PIP5K1B: variants seen among roughly 807,000 people sequenced by gnomAD.
PIP5K1B encodes the protein phosphatidylinositol-4-phosphate 5-kinase type 1 beta, also known as phosphatidylinositol 4-phosphate 5-kinase type-1 beta.
Under a neutral mutation model 67.0 loss-of-function variants are expected in PIP5K1B, and 42 were observed. That is an observed-to-expected ratio of 0.63 (90% CI 0.49 to 0.81). The LOEUF is 0.81. PIP5K1B is among the 30% of genes least tolerant of loss of function. The probability of loss-of-function intolerance (pLI) is 0.00; values close to 1 mark genes in which losing one functional copy is unlikely to be tolerated. For synonymous variants in PIP5K1B, 214 were observed against 231.4 expected, an observed-to-expected ratio of 0.92 and a Z score of 0.68; for missense variants, 459 against 646.3, an observed-to-expected ratio of 0.71 and a Z score of 3.14.
intron 2 of PIP5K1B, among the ~76,000 whole-genome samples, chr9:68,771,190 T>G (rs1002565508): frequency 6.6e-6 from 1 of 152,230 alleles, no homozygotes; most frequent in African/African-American, 2.4e-5. Context: ...GAAGGTGATT[T>G]CTAAAGTCCC....
At chr9:68,885,115 A>ATT (rs1824402344) in intron 6 of PIP5K1B, among the ~76,000 whole-genome samples, 1 of 152,258 alleles carries the variant, frequency 6.6e-6, no homozygotes, top group African/African-American at 2.4e-5. Flanking sequence ...ACAATGGAAT[A>ATT]CTGTTCAGCC....
At position 68,835,837 on chromosome 9, in the gene PIP5K1B, AT is replaced by A. The variant is rs9314823; in HGVS notation, c.69+13170del. On this transcript the variant is annotated intron_variant, in intron 4 of 15. Transcript: ENST00000265382. ...TAAAAAGCCTGTGCCTAGAAAGTGA[AT>A]TTTTTTTTTTTTTTTGCTTTCCGTC... Among the ~76,000 whole-genome samples the A allele has an allele frequency of 3.0e-3, 426 of 144,224 alleles. 1 individual carries two copies. Among genetic ancestry groups the A allele is most frequent in the African/African-American group, 7.1e-3 (274 of 38,546 alleles). The allele number at this position is 144,224 out of a possible 152,430, so 94.6% of individuals were successfully genotyped here.
chr9:68,989,243 G>T (rs1242570207), intron 14 of PIP5K1B, among the ~76,000 whole-genome samples: 1 of 151,884 alleles, frequency 6.6e-6, no homozygotes, highest in East Asian at 1.9e-4. Flanking sequence ...CAGTTCCCAG[G>T]TTCCCAGACG....
At chr9:68,997,428 G>T (rs1184884088) in intron 15 of PIP5K1B, among the ~76,000 whole-genome samples, 1 of 152,178 alleles carries the variant, frequency 6.6e-6, no homozygotes, top group Non-Finnish European at 1.5e-5. Context: ...TCTCAGGAGA[G>T]AACTCGATCC....
intron 3 of PIP5K1B, among the ~76,000 whole-genome samples, chr9:68,819,115 A>G (rs555952575): frequency 6.6e-6 from 1 of 152,324 alleles, no homozygotes; most frequent in Non-Finnish European, 1.5e-5. Context: ...TACATTTACA[A>G]TGTTATGCAA....
intron 14 of PIP5K1B, among the ~76,000 whole-genome samples, chr9:68,972,300 T>C (rs145938929): frequency 6.6e-6 from 1 of 152,178 alleles, no homozygotes; most frequent in Non-Finnish European, 1.5e-5. Context: ...TGGTTGTAGA[T>C]GTGTGGTGTT....
At chr9:68,900,371 T>C (rs1053770294) in intron 8 of PIP5K1B, among the ~76,000 whole-genome samples, 6 of 152,214 alleles carry the variant, frequency 3.9e-5, no homozygotes, top group Admixed American at 2.6e-4. Flanking sequence ...TGTTGCAAGA[T>C]TGTGATTGAA....
intron 4 of PIP5K1B, among the ~76,000 whole-genome samples, chr9:68,849,150 T>G (rs1822349569): frequency 6.6e-6 from 1 of 152,172 alleles, no homozygotes; most frequent in Non-Finnish European, 1.5e-5. Context: ...AATAAATGTA[T>G]AGGAGTATAT....
chr9:68,915,280 A>C (rs946688343), intron 8 of PIP5K1B, among the ~76,000 whole-genome samples: 11 of 151,884 alleles, frequency 7.2e-5, no homozygotes, highest in Non-Finnish European at 1.6e-4. Context: ...TAGGGAAGTT[A>C]GCATCTGCAA....
chr9:68,949,276 A>G (rs1273263478), intron 14 of PIP5K1B, among the ~76,000 whole-genome samples: 3 of 152,184 alleles, frequency 2.0e-5, no homozygotes, highest in East Asian at 3.8e-4. Flanking sequence ...TGGAGCCTCT[A>G]GAGAAATGCT....
intron 2 of PIP5K1B, among the ~76,000 whole-genome samples, chr9:68,770,123 A>C (rs555216068): frequency 6.6e-6 from 1 of 152,332 alleles, no homozygotes; most frequent in African/African-American, 2.4e-5. Context: ...AGCAGCACTC[A>C]TGGAATAGAA....
intron 1 of PIP5K1B, among the ~76,000 whole-genome samples, chr9:68,720,552 G>A (rs578111514): frequency 6.6e-6 from 1 of 151,352 alleles, no homozygotes; most frequent in South Asian, 2.1e-4. Context: ...TTTTACTTTG[G>A]TCATCTCTGT....
At chr9:68,943,087 A>G (rs1026971165) in intron 14 of PIP5K1B, among the ~76,000 whole-genome samples, 2 of 152,214 alleles carry the variant, frequency 1.3e-5, no homozygotes, top group Non-Finnish European at 2.9e-5. Context: ...TGTTGTTTCA[A>G]TGAGCCACCC....
At chr9:68,910,408 G>C (rs1412396979) in intron 8 of PIP5K1B, among the ~76,000 whole-genome samples, 2 of 152,112 alleles carry the variant, frequency 1.3e-5, no homozygotes, top group African/African-American at 4.8e-5. Context: ...CCAAAAATTT[G>C]TTCATGGGCA....
intron 14 of PIP5K1B, among the ~76,000 whole-genome samples, chr9:68,963,019 A>G (rs1238027241): frequency 6.6e-6 from 1 of 152,198 alleles, no homozygotes; most frequent in Non-Finnish European, 1.5e-5. Flanking sequence ...TACTTTTGAA[A>G]AGAACCTTTA....
chr9:68,950,423 A>G (rs1828001646), intron 14 of PIP5K1B, among the ~76,000 whole-genome samples: 1 of 152,204 alleles, frequency 6.6e-6, no homozygotes, highest in Non-Finnish European at 1.5e-5. Flanking sequence ...GCCCCTGGCC[A>G]GCAGCCTCAC....
Position 68,942,555 on chromosome 9 carries a change from C to G in PIP5K1B, c.1502+1765C>G, listed in dbSNP as rs920576780. ...TTCATAAGGTTTTCCCGGGGCCTGGCAGGGCCTCCTCCTGACTCCCAATCG... is the reference window on the plus strand; with the variant it reads ...TTCATAAGGTTTTCCCGGGGCCTGGGAGGGCCTCCTCCTGACTCCCAATCG... On this transcript the variant is annotated intron_variant, in intron 14 of 15. Coordinates refer to ENST00000265382, the MANE Select transcript of PIP5K1B (RefSeq NM_003558.4). 7.9e-5 allele frequency among the ~76,000 whole-genome samples: 12 copies of G among 151,920 alleles called. No homozygotes were observed. In the East Asian group the frequency reaches 2.1e-3, roughly 27 times the overall value.
At chr9:68,919,853 C>T (rs1178570819) in intron 11 of PIP5K1B, 124 bp downstream of exon 11, 1 of 565,488 alleles carries the variant, frequency 1.8e-6, no homozygotes, top group Non-Finnish European at 3.1e-6. Context: ...TTTATAAACT[C>T]AGAATCTTAG....
chr9:68,741,885 G>A (rs1363697838), intron 1 of PIP5K1B, among the ~76,000 whole-genome samples: 1 of 152,174 alleles, frequency 6.6e-6, no homozygotes, highest in East Asian at 1.9e-4. Context: ...GGTGGTAGTT[G>A]TTGGGGGTGG....
Sources: gnomAD v4.1 joint callset for allele counts (sites outside exome capture counted in the v4.1 genomes callset) on GRCh38, gnomAD v4.1.1 for gene constraint, MANE v1.5 for transcripts, NCBI Gene and HGNC (gene_info 2026-07-23, HGNC 2026-07-21) for gene names.